The following SIPA1L2 variants were observed in gnomAD, a reference collection of about 807,000 sequenced individuals.
The protein encoded by SIPA1L2 is signal-induced proliferation-associated 1-like protein 2.
In SIPA1L2, 56 loss-of-function variants were observed where a neutral mutation model predicts 163.9. The observed-to-expected ratio is 0.34, with a 90% CI of 0.28 to 0.43. SIPA1L2 has a LOEUF of 0.43. SIPA1L2 is among the 20% of genes least tolerant of loss of function. The probability of loss-of-function intolerance (pLI) is 1.00; values close to 1 mark genes in which losing one functional copy is unlikely to be tolerated. For missense variants in SIPA1L2, 1,974 were observed against 2,193.5 expected (o/e 0.90, Z 2.00); for synonymous variants, 877 against 865.7 (o/e 1.01, Z -0.23).
chr1:232,443,173 C>T (rs559054594), intron 12 of SIPA1L2, among the ~76,000 whole-genome samples: 3 of 152,204 alleles, frequency 2.0e-5, no homozygotes, highest in South Asian at 2.1e-4. Context: ...CTGGCTACTG[C>T]GGACTGGACT....
At position 232,564,234 on chromosome 1, in the gene SIPA1L2, TCGTGTGTGTG is replaced by T. The variant is rs1439848478; in HGVS notation, c.-270+9930_-270+9939del. Among the ~76,000 whole-genome samples the T allele has an allele frequency of 5.5e-4, 25 of 45,532 alleles. 3 individuals carry two copies. Among genetic ancestry groups the T allele is most frequent in the African/African-American group, 2.8e-3 (21 of 7,548 alleles). The allele number at this position is 45,532 out of a possible 152,430, so 29.9% of individuals were successfully genotyped here. A position where few individuals can be genotyped will look rare whatever the true frequency, so the allele number is the denominator to read the frequency against. The stretch of plus-strand genomic sequence containing the variant: ...TGAACGACAAAGGTTTTTTTTTTTT[TCGTGTGTGTG>T]TGTGTGTGTGTGTGTGTGTGTGTGT... On this transcript the variant is annotated intron_variant, in intron 2 of 22. Transcript: ENST00000674635.
At position 232,415,624 on chromosome 1, in the gene SIPA1L2, A is replaced by G. The variant is rs181588728; in HGVS notation, c.4632T>C (p.Asn1544=). 6.2e-7 allele frequency: 1 copy of G among 1,613,964 alleles called. No individual in the cohort carries two copies. Among genetic ancestry groups the G allele is most frequent in the East Asian group, 2.2e-5 (1 of 44,864 alleles). Residue 1544 remains asparagine (N), a splice_region_variant and synonymous_variant, in exon 19 of 23, where the codon AAT becomes AAC. Transcript: ENST00000674635. ...HPAPSMGSLR[N]EFWFSDGSLS... is the part of the protein sequence containing the mutation. ...AGGACCCATCGGAGAACCAGAACTCATCTAAACAGAAACAAAACCAGAGAG... is the reference window on the plus strand; with the variant it reads ...AGGACCCATCGGAGAACCAGAACTCGTCTAAACAGAAACAAAACCAGAGAG...
intron 3 of SIPA1L2, among the ~76,000 whole-genome samples, chr1:232,497,234 A>C (rs1666241715): frequency 6.6e-6 from 1 of 152,194 alleles, no homozygotes; most frequent in African/African-American, 2.4e-5. Flanking sequence ...TTCTACACTG[A>C]TTGTGGCAAT....
chr1:232,517,907 C>T (rs762230119), intron 2 of SIPA1L2, among the ~76,000 whole-genome samples: 7 of 151,666 alleles, frequency 4.6e-5, no homozygotes, highest in African/African-American at 1.5e-4. Flanking sequence ...ATTAGCCCGG[C>T]GTGGCGGTAC....
chr1:232,411,157 A>G (rs1423010328), intron 19 of SIPA1L2, among the ~76,000 whole-genome samples: 1 of 152,196 alleles, frequency 6.6e-6, no homozygotes, highest in African/African-American at 2.4e-5. Context: ...TCTACAGCTA[A>G]TACTGTACAT....
chr1:232,412,023 T>C lies in SIPA1L2; in HGVS notation c.4762+3471A>G, dbSNP rs183356674. 1.7e-3 allele frequency among the ~76,000 whole-genome samples: 265 copies of C among 152,364 alleles called. 1 individual carries two copies. Among genetic ancestry groups the C allele is most frequent in the Middle Eastern group, 0.017 (5 of 294 alleles). ...AATACCTGACTCTCACCCACAACTA[T>C]ACCATTTATTATGGTCCTTGCACGA... On this transcript the variant is annotated intron_variant, in intron 19 of 22. Coordinates refer to ENST00000674635, the MANE Select transcript of SIPA1L2 (RefSeq NM_020808.5).
rs139673046 is a variant in SIPA1L2, at chr1:232,439,332, C to T, written c.3807G>A (p.Thr1269=). Residue 1269 remains threonine (T), a synonymous_variant, in exon 15 of 23, where the codon ACG becomes ACA. Transcript: ENST00000674635. The part of the protein sequence containing the change: ...KGASTDSGID[T]APCMPATILG... Reference sequence around the variant, plus strand: ...GGATGGTGGCAGGCATGCAGGGGGCCGTGTCGATGCCACTGTCGGTGGAGG... The same window carrying T: ...GGATGGTGGCAGGCATGCAGGGGGCTGTGTCGATGCCACTGTCGGTGGAGG... The T allele has an allele frequency of 6.5e-5, 105 of 1,614,166 alleles. 1 individual carries two copies. In the East Asian group the frequency reaches 2.2e-3, roughly 34 times the overall value.
chr1:232,479,824 A>AAAAACAC (rs1260509978), intron 6 of SIPA1L2, 94 bp from the exon 7 acceptor site: 7 of 1,061,484 alleles, frequency 6.6e-6, no homozygotes, highest in Admixed American at 5.9e-5. Context: ...ACAAAAAACA[A>AAAAACAC]AAAACACCAA....
Position 232,465,396 on chromosome 1 carries a change from T to G in SIPA1L2, c.2264A>C (p.Lys755Thr). ...VCYSVGVSRS[K>T]DVPPFGPPIP... ...CGGTGGGCCAAATGGTGGCACATCT[T>G]TTGATCTGGAAACTCCAACACTGAG... The change falls in exon 9 of 23, where the codon AAA becomes ACA. Residue 755 changes from lysine (K) to threonine (T), a missense_variant. Lys to Thr is a moderately conservative substitution (Grantham distance 78, BLOSUM62 -1). This residue lies in a region of SIPA1L2 where 288 missense variants were observed against 418.9 expected (regional missense o/e 0.69). Transcript: ENST00000674635. This position sits in a 1 kb window ranked among gnomAD's most constrained non-coding sequence, Gnocchi z 4.1. The G allele has an allele frequency of 6.2e-7, 1 of 1,609,828 alleles. No individual in the cohort carries two copies. The highest frequency in any genetic ancestry group is 1.1e-5 in the South Asian group (1 of 90,836).
intron 19 of SIPA1L2, among the ~76,000 whole-genome samples, chr1:232,406,089 T>C (rs1171446393): frequency 6.6e-6 from 1 of 152,238 alleles, no homozygotes; most frequent in African/African-American, 2.4e-5. Flanking sequence ...TTTGATTAAG[T>C]ACAGACACCA....
chr1:232,432,289 C>T lies in SIPA1L2; in HGVS notation c.4214G>A (p.Gly1405Asp). 1 of 1,614,158 alleles carries T rather than the reference C, an allele frequency of 6.2e-7. No individual in the cohort carries two copies. The change falls in exon 16 of 23, where the codon GGC becomes GAC. Residue 1405 changes from glycine (G) to aspartate (D), a missense_variant. Physicochemically the swap from Gly to Asp is moderately conservative, Grantham distance 94. This residue lies in a region of SIPA1L2 where 1,079 missense variants were observed against 1,150.7 expected (regional missense o/e 0.94). Transcript: ENST00000674635. ...TTCAGGCTCCTCGGGCGGTGGGCTG[C>T]CCTCCGATTTCTTCCAGCCGATGAC... ...KYVIGWKKSE[G>D]SPPPEEPEVT...
intron 19 of SIPA1L2, among the ~76,000 whole-genome samples, chr1:232,415,126 A>G (rs775194571): frequency 6.6e-6 from 1 of 152,198 alleles, no homozygotes; most frequent in Non-Finnish European, 1.5e-5. Flanking sequence ...CCCGCCTCCT[A>G]AATGTGTCCC....
intron 2 of SIPA1L2, among the ~76,000 whole-genome samples, chr1:232,557,015 G>C (rs552670390): frequency 9.9e-5 from 15 of 152,118 alleles, no homozygotes; most frequent in Admixed American, 5.2e-4. Context: ...CCCAACAAAA[G>C]TAAATTTTTA....
chr1:232,629,248 G>A (rs1324844325), intron 1 of SIPA1L2, among the ~76,000 whole-genome samples: 3 of 152,250 alleles, frequency 2.0e-5, no homozygotes, highest in Non-Finnish European at 2.9e-5. Flanking sequence ...ATCTGTAGGT[G>A]TTCCCAGGGA....
intron 2 of SIPA1L2, among the ~76,000 whole-genome samples, chr1:232,548,890 G>A (rs959883951): frequency 6.6e-6 from 1 of 152,236 alleles, no homozygotes; most frequent in Non-Finnish European, 1.5e-5. Context: ...AGGGAGGAAA[G>A]CAAGTGGCAG....
chr1:232,534,923 G>GT (rs1233501908), intron 2 of SIPA1L2, among the ~76,000 whole-genome samples: 2 of 152,204 alleles, frequency 1.3e-5, no homozygotes, highest in Non-Finnish European at 2.9e-5. Flanking sequence ...TTTGCATGGA[G>GT]TATCTGTTAG....
intron 2 of SIPA1L2, among the ~76,000 whole-genome samples, chr1:232,541,803 G>A (rs981108073): frequency 1.3e-5 from 2 of 148,426 alleles, no homozygotes; most frequent in African/African-American, 5.0e-5. Context: ...CACAAGAGTA[G>A]AGCACATTTC....
At chr1:232,578,655 C>T (rs1267303411) in intron 1 of SIPA1L2, among the ~76,000 whole-genome samples, 1 of 152,158 alleles carries the variant, frequency 6.6e-6, no homozygotes, top group Non-Finnish European at 1.5e-5. Context: ...TGCTTAATGT[C>T]TCTTCTCTAG....
chr1:232,580,312 T>C (rs556948443), intron 1 of SIPA1L2, among the ~76,000 whole-genome samples: 1 of 152,268 alleles, frequency 6.6e-6, no homozygotes, highest in African/African-American at 2.4e-5. Flanking sequence ...TTTGTCACCA[T>C]CTTGGTTTTG....
Sources: gnomAD v4.1 joint callset for allele counts (sites outside exome capture counted in the v4.1 genomes callset) on GRCh38, gnomAD v4.1.1 for gene constraint, gnomAD v4.1.1 regional missense constraint, Gnocchi (gnomAD v3.1) non-coding constraint, MANE v1.5 for transcripts, NCBI Gene and HGNC (gene_info 2026-07-23, HGNC 2026-07-21) for gene names.